CSMD1: variants seen among roughly 807,000 people sequenced by gnomAD.
The protein encoded by CSMD1 is CUB and sushi domain-containing protein 1.
Under a neutral mutation model 417.5 loss-of-function variants are expected in CSMD1, and 213 were observed. That is an observed-to-expected ratio of 0.51 (90% CI 0.46 to 0.57). The LOEUF is 0.57. Ranked by LOEUF, CSMD1 falls within the 20% of genes least tolerant of loss-of-function variation. The pLI, the probability that CSMD1 is intolerant of heterozygous loss-of-function variation, is 0.00. For missense variants in CSMD1, 6,923 were observed against 4,529.7 expected (o/e 1.53, Z -15.17); for synonymous variants, 2,862 against 1,736.8 (o/e 1.65, Z -16.11).
chr8:3,319,370 G>C (rs1037864825), intron 23 of CSMD1, among the ~76,000 whole-genome samples: 1 of 151,906 alleles, frequency 6.6e-6, no homozygotes, highest in Non-Finnish European at 1.5e-5. Flanking sequence ...CAAAGAATTT[G>C]GTATAATTTT....
At chr8:3,803,859 C>T (rs73172232) in intron 5 of CSMD1, among the ~76,000 whole-genome samples, 2,863 of 152,244 alleles carry the variant, frequency 0.019, 44 homozygotes, top group Non-Finnish European at 0.031. Context: ...AGGTGTGAAG[C>T]TACTGAGGAG....
chr8:4,555,773 T>C (rs918985231), intron 2 of CSMD1, among the ~76,000 whole-genome samples: 7 of 152,152 alleles, frequency 4.6e-5, no homozygotes, highest in Non-Finnish European at 7.3e-5. Context: ...AAATGCAAAA[T>C]AATACTGAGA....
chr8:3,459,381 A>T (rs1283783545), intron 12 of CSMD1, among the ~76,000 whole-genome samples: 2 of 152,076 alleles, frequency 1.3e-5, no homozygotes, highest in African/African-American at 2.4e-5. Flanking sequence ...CGCACGGTGG[A>T]TCCTTCTCAT....
intron 5 of CSMD1, among the ~76,000 whole-genome samples, chr8:3,882,288 A>G (rs1360093486): frequency 1.3e-5 from 2 of 152,218 alleles, no homozygotes; most frequent in East Asian, 3.8e-4. Context: ...AATCCAATAA[A>G]CACACAAAGT....
intron 3 of CSMD1, among the ~76,000 whole-genome samples, chr8:4,391,471 C>T (rs1246435229): frequency 1.3e-5 from 2 of 152,114 alleles, no homozygotes; most frequent in Admixed American, 1.3e-4. Context: ...TACATATGAA[C>T]ATAGAACTCT....
intron 2 of CSMD1, among the ~76,000 whole-genome samples, chr8:4,527,549 G>C (rs931187163): frequency 2.6e-5 from 4 of 152,148 alleles, no homozygotes; most frequent in African/African-American, 9.7e-5. Context: ...GCAGGTGTTT[G>C]TAGAGATAAG....
At chr8:3,413,783 C>A (rs930389254) in intron 12 of CSMD1, among the ~76,000 whole-genome samples, 1 of 152,072 alleles carries the variant, frequency 6.6e-6, no homozygotes, top group Non-Finnish European at 1.5e-5. Flanking sequence ...GACAATGATA[C>A]AGTATGTGTG....
chr8:3,878,685 T>C (rs907397324), intron 5 of CSMD1, among the ~76,000 whole-genome samples: 57 of 152,196 alleles, frequency 3.7e-4, no homozygotes, highest in African/African-American at 1.1e-3. Context: ...CTAGTCTGAG[T>C]TGCTAGTATG....
chr8:3,993,878 A>T (rs1000929031), intron 5 of CSMD1, among the ~76,000 whole-genome samples: 1 of 152,188 alleles, frequency 6.6e-6, no homozygotes, highest in Non-Finnish European at 1.5e-5. Context: ...AATGGGATCG[A>T]CAAAAGATAG....
chr8:3,512,691 C>T (rs983885425), intron 10 of CSMD1, among the ~76,000 whole-genome samples: 1 of 151,262 alleles, frequency 6.6e-6, no homozygotes. Flanking sequence ...TCCCTGCAAC[C>T]TCTGCCTCCT....
At chr8:4,036,139 G>A (rs780137493) in intron 3 of CSMD1, among the ~76,000 whole-genome samples, 42 of 152,274 alleles carry the variant, frequency 2.8e-4, no homozygotes, top group Non-Finnish European at 3.5e-4. Context: ...TCCTAGGTGC[G>A]TAGTAGGCCG....
chr8:3,963,852 G>T (rs1272488182), intron 5 of CSMD1, among the ~76,000 whole-genome samples: 3 of 152,108 alleles, frequency 2.0e-5, no homozygotes, highest in African/African-American at 7.2e-5. Flanking sequence ...TAAAACCGCA[G>T]TTTAAGAAAT....
At chr8:4,983,309 C>G (rs1006777977) in intron 1 of CSMD1, among the ~76,000 whole-genome samples, 3 of 152,088 alleles carry the variant, frequency 2.0e-5, no homozygotes, top group South Asian at 4.1e-4. Flanking sequence ...ATGTTGATGA[C>G]AAATTAATTT....
chr8:4,488,761 G>A (rs1801545750), intron 2 of CSMD1, among the ~76,000 whole-genome samples: 1 of 152,026 alleles, frequency 6.6e-6, no homozygotes, highest in African/African-American at 2.4e-5. Flanking sequence ...AGTCAGCTAT[G>A]ACCCGCGTCC....
At chr8:4,895,837 T>C (rs1045601038) in intron 1 of CSMD1, among the ~76,000 whole-genome samples, 12 of 152,280 alleles carry the variant, frequency 7.9e-5, no homozygotes, top group Admixed American at 1.3e-4. Context: ...TTGAGAACTT[T>C]ACCACGATAT....
At chr8:3,072,971 C>G (rs1813415929) in intron 49 of CSMD1, among the ~76,000 whole-genome samples, 1 of 152,148 alleles carries the variant, frequency 6.6e-6, no homozygotes, top group Admixed American at 6.5e-5. Flanking sequence ...TCTCCCCAGT[C>G]AACTCTTCTC....
In CSMD1 at chr8:3,214,483, A is replaced by C; in HGVS notation, c.4867+14T>G. 6.5e-7 allele frequency: 1 copy of C among 1,529,236 alleles called. No individual in the cohort carries two copies. Among genetic ancestry groups the C allele is most frequent in the Non-Finnish European group, 8.8e-7 (1 of 1,139,816 alleles). 94.7% of individuals were successfully genotyped at this position (1,529,236 alleles called of 1,614,324 possible). ...AAAGTTGTATTTCTAGAAAATACCC[A>C]AGCGTGCACTCACCATTGCAGGAGG... On this transcript the variant is annotated intron_variant, in intron 30 of 69. Transcript: ENST00000635120.
intron 3 of CSMD1, among the ~76,000 whole-genome samples, chr8:4,320,732 C>T (rs942691101): frequency 6.6e-5 from 10 of 152,060 alleles, no homozygotes; most frequent in Non-Finnish European, 2.9e-5. Flanking sequence ...GTGTATGTGC[C>T]ACATTTTATT....
intron 8 of CSMD1, among the ~76,000 whole-genome samples, chr8:3,606,818 C>A (rs1192308044): frequency 1.3e-5 from 2 of 151,406 alleles, no homozygotes; most frequent in South Asian, 4.2e-4. Flanking sequence ...TCAAGTGATT[C>A]TCCTGTCTCA....
Sources: allele counts gnomAD v4.1 joint callset (sites outside exome capture counted in the v4.1 genomes callset), GRCh38; gene constraint gnomAD v4.1.1; transcripts MANE v1.5; gene names NCBI Gene and HGNC (gene_info 2026-07-23, HGNC 2026-07-21).